KIFAP3: variants seen among roughly 807,000 people sequenced by gnomAD.
KIFAP3 encodes kinesin-associated protein 3.
KIFAP3 carries 68 observed loss-of-function variants against 106.5 expected under a neutral mutation model. That is an observed-to-expected ratio of 0.64 (90% CI 0.53 to 0.78). KIFAP3 has a LOEUF of 0.78. KIFAP3 is among the 30% of genes least tolerant of loss of function. KIFAP3 has a pLI of 0.00. For missense variants in KIFAP3, 780 were observed against 941.8 expected, an observed-to-expected ratio of 0.83 and a Z score of 2.25; for synonymous variants, 320 against 311.5, an observed-to-expected ratio of 1.03 and a Z score of -0.29.
rs555944677 is a variant in KIFAP3, at chr1:169,922,635, T to C, written c.2274-854A>G. ...GGGAATTATCCAACACTTAGGAAAA[T>C]GATAAAGTATTTATTTTGCCAGGCA... On this transcript the variant is annotated intron_variant, in intron 19 of 19. Transcript: ENST00000361580. 1.1e-4 allele frequency among the ~76,000 whole-genome samples: 16 copies of C among 152,270 alleles called. No homozygotes were observed. In the South Asian group the frequency reaches 2.1e-3, roughly 20 times the overall value.
chr1:169,998,070 C>T (rs1667459328), intron 10 of KIFAP3, among the ~76,000 whole-genome samples: 1 of 151,234 alleles, frequency 6.6e-6, no homozygotes, highest in Non-Finnish European at 1.5e-5. Context: ...AGAAAATGAT[C>T]CCCTCTCAAT....
At chr1:170,028,070 T>C (rs1669207973) in intron 8 of KIFAP3, among the ~76,000 whole-genome samples, 2 of 152,030 alleles carry the variant, frequency 1.3e-5, no homozygotes, top group African/African-American at 4.8e-5. Flanking sequence ...TTCAAAAAGA[T>C]AAAAATATTT....
chr1:170,005,243 C>T (rs1667886968), intron 10 of KIFAP3, among the ~76,000 whole-genome samples: 1 of 152,224 alleles, frequency 6.6e-6, no homozygotes, highest in Non-Finnish European at 1.5e-5. Context: ...AATAGGAACA[C>T]TTTACACTGT....
At chr1:170,081,568 C>A (rs1672021210) in intron 1 of KIFAP3, among the ~76,000 whole-genome samples, 1 of 152,212 alleles carries the variant, frequency 6.6e-6, no homozygotes, top group African/African-American at 2.4e-5. Context: ...CATCCACACT[C>A]CTTCACTGAT....
At chr1:169,995,870 G>A (rs1460443769) in intron 10 of KIFAP3, among the ~76,000 whole-genome samples, 2 of 151,960 alleles carry the variant, frequency 1.3e-5, no homozygotes, top group Admixed American at 1.3e-4. Flanking sequence ...AGAATAACAA[G>A]GGAAATTCTC....
chr1:169,929,519 G>A (rs1406377981), intron 19 of KIFAP3, among the ~76,000 whole-genome samples: 1 of 151,920 alleles, frequency 6.6e-6, no homozygotes, highest in Non-Finnish European at 1.5e-5. Context: ...TTGCTCAAAG[G>A]TATTACTCAT....
At chr1:169,992,318 G>A in intron 10 of KIFAP3, 63 bp from the exon 11 acceptor site, 2 of 704,106 alleles carry the variant, frequency 2.8e-6, no homozygotes, top group South Asian at 3.0e-5. Flanking sequence ...GCACACTCAT[G>A]TTAATGTACT....
chr1:170,045,010 T>C (rs1670170403), intron 3 of KIFAP3, among the ~76,000 whole-genome samples: 1 of 152,262 alleles, frequency 6.6e-6, no homozygotes, highest in Non-Finnish European at 1.5e-5. Flanking sequence ...TAAGTATTCT[T>C]ATTTTATGGC....
intron 19 of KIFAP3, among the ~76,000 whole-genome samples, chr1:169,936,849 G>C (rs642352): frequency 0.94 from 141,409 of 151,196 alleles, 66,217 homozygotes; most frequent in East Asian, 0.99. Flanking sequence ...AAATGTTTAA[G>C]ATGTTTATTC....
At chr1:170,012,540 A>G (rs1668293314) in intron 10 of KIFAP3, among the ~76,000 whole-genome samples, 1 of 152,136 alleles carries the variant, frequency 6.6e-6, no homozygotes, top group Non-Finnish European at 1.5e-5. Context: ...ACAAAGATGT[A>G]ATTGATTTTT....
In KIFAP3 at chr1:169,921,774, T is replaced by G; in HGVS notation, c.2281A>C (p.Met761Leu). 6.2e-7 allele frequency: 1 copy of G among 1,613,164 alleles called. No homozygotes were observed. The highest frequency in any genetic ancestry group is 8.5e-7 in the Non-Finnish European group (1 of 1,179,256). Reference sequence around the variant, plus strand: ...CCAACTGGTTGGCCAAAGCCATCCATTCCAAGGCTAAAAAAGAAAAAAAAG... The same window carrying G: ...CCAACTGGTTGGCCAAAGCCATCCAGTCCAAGGCTAAAAAAGAAAAAAAAG... ...GQHSFPGSLG[M>L]DGFGQPVGIL... The change falls in exon 20 of 20, where the codon ATG (methionine) becomes CTG (leucine). Residue 761 changes from methionine (M) to leucine (L), a missense_variant. Met to Leu is a conservative substitution (Grantham distance 15, BLOSUM62 2). This residue lies in a region of KIFAP3 where 114 missense variants were observed against 122.3 expected (regional missense o/e 0.93). Transcript: ENST00000361580.
intron 16 of KIFAP3, among the ~76,000 whole-genome samples, chr1:169,973,401 A>C (rs1666041917): frequency 6.8e-6 from 1 of 148,094 alleles, no homozygotes. Context: ...GTAACAGAAC[A>C]AAACAAATAC....
chr1:170,047,388 A>G (rs1309521617), intron 2 of KIFAP3, among the ~76,000 whole-genome samples: 1 of 151,964 alleles, frequency 6.6e-6, no homozygotes, highest in African/African-American at 2.4e-5. Context: ...TGGGAGGCCG[A>G]GGCAAGGGGG....
rs182128314 is a variant in KIFAP3 at position 169,979,605 on chromosome 1, C to T, written c.1799-1422G>A. On this transcript the variant is annotated intron_variant, in intron 15 of 19. Transcript: ENST00000361580. ...TCACAATGAAATACCAGTATGATGG[C>T]TACAATTGAAAGGACTGACAATGCC... is the stretch of plus-strand genomic sequence containing the variant. Among the ~76,000 whole-genome samples, 14 of 152,106 alleles carry T rather than the reference C, an allele frequency of 9.2e-5. No individual in the cohort carries two copies. In the East Asian group the frequency reaches 2.7e-3, roughly 29 times the overall value.
chr1:169,948,326 G>A (rs950337995), intron 19 of KIFAP3, among the ~76,000 whole-genome samples: 2 of 151,750 alleles, frequency 1.3e-5, no homozygotes, highest in Non-Finnish European at 3.0e-5. Context: ...TAGAAAAATG[G>A]CTAAGTCAGT....
At chr1:170,032,458 C>T (rs1291845819) in intron 7 of KIFAP3, among the ~76,000 whole-genome samples, 1 of 151,712 alleles carries the variant, frequency 6.6e-6, no homozygotes, top group Non-Finnish European at 1.5e-5. Context: ...GCTTTTGTAG[C>T]AGCCTTTTCA....
At chr1:170,033,253 T>C (rs1376951167) in intron 7 of KIFAP3, among the ~76,000 whole-genome samples, 2 of 151,860 alleles carry the variant, frequency 1.3e-5, no homozygotes, top group South Asian at 2.1e-4. Flanking sequence ...TGGAGTTCCA[T>C]GTGACAACAG....
chr1:169,970,152 C>A (rs1665830791), intron 17 of KIFAP3, among the ~76,000 whole-genome samples: 1 of 152,020 alleles, frequency 6.6e-6, no homozygotes, highest in Non-Finnish European at 1.5e-5. Flanking sequence ...GGTCAACTGA[C>A]TTATAATTCC....
intron 10 of KIFAP3, among the ~76,000 whole-genome samples, chr1:169,997,818 C>T (rs572464911): frequency 1.3e-4 from 19 of 146,150 alleles, no homozygotes; most frequent in Non-Finnish European, 2.1e-4. Flanking sequence ...TGCAGTGAGC[C>T]GAGATCGTAC....
Sources: allele counts gnomAD v4.1 joint callset (sites outside exome capture counted in the v4.1 genomes callset), GRCh38; gene constraint gnomAD v4.1.1; regional missense constraint gnomAD v4.1.1; transcripts MANE v1.5; gene names NCBI Gene and HGNC (gene_info 2026-07-23, HGNC 2026-07-21).